Variants in ZNF331 observed in about 807,000 individuals in gnomAD.
ZNF331 encodes C2H2-like zinc finger protein rearranged in thyroid adenomas.
Under a neutral mutation model 7.0 loss-of-function variants are expected in ZNF331, and 2 were observed. That is an observed-to-expected ratio of 0.29 (90% CI 0.12 to 0.90). The LOEUF (loss-of-function observed/expected upper bound fraction) is 0.90, where lower values mean the gene tolerates loss of function less well. ZNF331 is among the 40% of genes least tolerant of loss of function. The pLI is 0.58. For synonymous variants in ZNF331, 196 were observed against 205.4 expected, an observed-to-expected ratio of 0.95 and a Z score of 0.39; for missense variants, 432 against 587.7, an observed-to-expected ratio of 0.74 and a Z score of 2.74.
At chr19:53,519,153 A>G (rs1260037761), upstream of ZNF331, among the ~76,000 whole-genome samples, 4 of 152,074 alleles carry the variant, frequency 2.6e-5, no homozygotes, top group Non-Finnish European at 5.9e-5. Flanking sequence ...CCATGTCATA[A>G]TGAAGGCCAA....
At chr19:53,551,917 T>C (rs1371427634) in intron 2 of ZNF331, among the ~76,000 whole-genome samples, 1 of 152,174 alleles carries the variant, frequency 6.6e-6, no homozygotes, top group Non-Finnish European at 1.5e-5. Context: ...ATCTGGATAC[T>C]GAGGGATGGC....
chr19:53,575,039 C>G (rs1412754731), intron 5 of ZNF331, among the ~76,000 whole-genome samples: 2 of 150,752 alleles, frequency 1.3e-5, no homozygotes, highest in African/African-American at 4.9e-5. Flanking sequence ...CGGGCTCAAG[C>G]CATCCTCCCA....
At chr19:53,527,066 G>A (rs978376219) in intron 2 of ZNF331, among the ~76,000 whole-genome samples, 5 of 151,942 alleles carry the variant, frequency 3.3e-5, no homozygotes, top group African/African-American at 1.2e-4. Flanking sequence ...GCATGTGCCT[G>A]TAATCCCAGC....
chr19:53,574,129 A>C (rs574784709), intron 5 of ZNF331, among the ~76,000 whole-genome samples: 7 of 152,216 alleles, frequency 4.6e-5, no homozygotes, highest in African/African-American at 1.7e-4. Flanking sequence ...AAATAAAAAT[A>C]ATTTTTAAAG....
intron 2 of ZNF331, among the ~76,000 whole-genome samples, chr19:53,548,422 A>C (rs919879747): frequency 1.3e-5 from 2 of 151,912 alleles, no homozygotes. Context: ...ATGCCCGACT[A>C]ATTTTTCAAT....
At chr19:53,520,919 C>T (rs1190393574), upstream of ZNF331, 1 of 152,140 alleles carries the variant, frequency 6.6e-6, no homozygotes, top group Admixed American at 6.5e-5. Flanking sequence ...TGGGTCACGG[C>T]TCCATTTGCG....
At chr19:53,559,438 A>G (rs1265301623) in intron 3 of ZNF331, among the ~76,000 whole-genome samples, 1 of 150,568 alleles carries the variant, frequency 6.6e-6, no homozygotes, top group Non-Finnish European at 1.5e-5. Flanking sequence ...CACACCATAT[A>G]TACATATATA....
At chr19:53,517,484 C>T (rs1418860912), upstream of ZNF331, among the ~76,000 whole-genome samples, 1 of 152,222 alleles carries the variant, frequency 6.6e-6, no homozygotes, top group African/African-American at 2.4e-5. Context: ...ATCCTGCTGT[C>T]ATTTGTGATA....
Position 53,577,980 on chromosome 19 carries a change from C to G in ZNF331, c.*28C>G, listed in dbSNP as rs963425283. On this transcript the variant is annotated 3_prime_UTR_variant, in exon 6 of 6. Coordinates refer to ENST00000449416, the MANE Select transcript of ZNF331 (RefSeq NM_001079906.2). ...AGCCTTTTGAACGCAGTAGCCCGCT[C>G]GTATCTATGGTTTCGCTTTCCACAG... The G allele has an allele frequency of 6.3e-7, 1 of 1,580,394 alleles. No homozygotes were observed. The highest frequency in any genetic ancestry group is 1.1e-5 in the South Asian group (1 of 87,616).
chr19:53,505,890 C>G, the ZNF331 span, among the ~76,000 whole-genome samples: 11 of 151,642 alleles, frequency 7.3e-5, no homozygotes. Context: ...GTGGCTGGGG[C>G]AGGAGAATCA....
At chr19:53,544,371 CCA>C (rs2088431556) in intron 2 of ZNF331, among the ~76,000 whole-genome samples, 1 of 150,896 alleles carries the variant, frequency 6.6e-6, no homozygotes, top group Admixed American at 6.6e-5. Context: ...CGGTGAAACC[CCA>C]TCTCTACTAA....
At chr19:53,513,139 GGTGTCA>G in the ZNF331 span, among the ~76,000 whole-genome samples, 1 of 151,180 alleles carries the variant, frequency 6.6e-6, no homozygotes, top group Non-Finnish European at 1.5e-5. Flanking sequence ...TTCCTCTCTG[GGTGTCA>G]GGATCTCTAA....
chr19:53,574,098 AG>A (rs534745275), intron 5 of ZNF331, among the ~76,000 whole-genome samples: 119 of 152,056 alleles, frequency 7.8e-4, no homozygotes, highest in Non-Finnish European at 1.3e-3. Flanking sequence ...CCTGGGCAAC[AG>A]AGCAAGACTC....
chr19:53,544,320 C>G (rs375541465), intron 2 of ZNF331, among the ~76,000 whole-genome samples: 2 of 150,934 alleles, frequency 1.3e-5, no homozygotes, highest in Non-Finnish European at 2.9e-5. Context: ...CCAAGGTGGG[C>G]GGATCACGAG....
intron 2 of ZNF331, among the ~76,000 whole-genome samples, chr19:53,531,777 T>A (rs1447397962): frequency 2.0e-5 from 3 of 151,642 alleles, no homozygotes; most frequent in Non-Finnish European, 4.4e-5. Context: ...TTTTTTCCAC[T>A]TGCTTTGTGT....
intron 3 of ZNF331, among the ~76,000 whole-genome samples, chr19:53,561,172 A>C (rs1337731602): frequency 6.6e-6 from 1 of 152,114 alleles, no homozygotes; most frequent in Non-Finnish European, 1.5e-5. Flanking sequence ...ATGTGCACAC[A>C]TACACACATT....
At chr19:53,508,628 C>G in the ZNF331 span, among the ~76,000 whole-genome samples, 8 of 152,016 alleles carry the variant, frequency 5.3e-5, no homozygotes, top group Non-Finnish European at 7.4e-5. Flanking sequence ...GATGAAATCA[C>G]TGGGGGTTAT....
upstream of ZNF331, among the ~76,000 whole-genome samples, chr19:53,516,453 A>C (rs1011271430): frequency 4.1e-4 from 63 of 152,078 alleles, no homozygotes; most frequent in African/African-American, 1.5e-3. Context: ...CATCTCAAAA[A>C]AAAAAAAAAA....
At chr19:53,547,879 G>C (rs10401348) in intron 2 of ZNF331, among the ~76,000 whole-genome samples, 22,695 of 151,858 alleles carry the variant, frequency 0.15, 3,158 homozygotes, top group African/African-American at 0.37. Flanking sequence ...GGGTTGTTTG[G>C]TTTTTTGCTG....
Sources: gnomAD v4.1 joint callset for allele counts (sites outside exome capture counted in the v4.1 genomes callset) on GRCh38, gnomAD v4.1.1 for gene constraint, MANE v1.5 for transcripts, NCBI Gene and HGNC (gene_info 2026-07-23, HGNC 2026-07-21) for gene names.